Variants in C8orf34 observed in about 807,000 individuals in gnomAD.
C8orf34 encodes chromosome 8 open reading frame 34.
C8orf34 carries 65 observed loss-of-function variants against 68.3 expected under a neutral mutation model. The observed-to-expected ratio is 0.95, with a 90% CI of 0.78 to 1.17. C8orf34 has a LOEUF of 1.17. Ranked by LOEUF, C8orf34 falls within the 50% of genes most tolerant of loss-of-function variation. The pLI is 0.00. For missense variants in C8orf34, 664 were observed against 655.4 expected (o/e 1.01, Z -0.14); for synonymous variants, 244 against 241.2 (o/e 1.01, Z -0.11).
At chr8:68,344,006 T>C (rs563834241) in intron 1 of C8orf34, among the ~76,000 whole-genome samples, 230 of 152,246 alleles carry the variant, frequency 1.5e-3, no homozygotes, top group African/African-American at 5.4e-3. Flanking sequence ...AGATTACAGG[T>C]GTGAGCCAAT....
chr8:68,468,599 T>G, intron 3 of C8orf34, 93 bp from the exon 4 acceptor site: 1 of 1,264,070 alleles, frequency 7.9e-7, no homozygotes, highest in Non-Finnish European at 1.1e-6. Context: ...ATTCTATACA[T>G]TGATCTTGGT....
intron 1 of C8orf34, among the ~76,000 whole-genome samples, chr8:68,426,901 A>C (rs938587793): frequency 3.9e-5 from 6 of 152,012 alleles, no homozygotes; most frequent in Non-Finnish European, 8.8e-5. Context: ...AACCAAACCA[A>C]ACAAAATCCT....
chr8:68,727,627 TC>T (rs991533343), intron 10 of C8orf34, among the ~76,000 whole-genome samples: 1 of 152,270 alleles, frequency 6.6e-6, no homozygotes, highest in African/African-American at 2.4e-5. Context: ...TCCAGGCGTT[TC>T]CATATATCTT....
chr8:68,670,212 A>C (rs1819965146), intron 8 of C8orf34, among the ~76,000 whole-genome samples: 1 of 152,208 alleles, frequency 6.6e-6, no homozygotes, highest in South Asian at 2.1e-4. Flanking sequence ...AACTAAAACA[A>C]GAAGGCCTCA....
chr8:68,624,615 GTGT>G (rs1818482069), intron 7 of C8orf34, among the ~76,000 whole-genome samples: 3 of 152,156 alleles, frequency 2.0e-5, no homozygotes, highest in African/African-American at 7.2e-5. Context: ...GTATATCATG[GTGT>G]TGTGATCATT....
At chr8:68,771,410 G>A (rs1823331027) in intron 10 of C8orf34, among the ~76,000 whole-genome samples, 1 of 152,146 alleles carries the variant, frequency 6.6e-6, no homozygotes, top group South Asian at 2.1e-4. Context: ...ATTAGCAGCT[G>A]CATTACAGGA....
At chr8:68,739,678 T>C (rs1822224917) in intron 10 of C8orf34, among the ~76,000 whole-genome samples, 1 of 152,090 alleles carries the variant, frequency 6.6e-6, no homozygotes, top group East Asian at 1.9e-4. Context: ...AAGCAATTTG[T>C]AGATTCAATG....
intron 12 of C8orf34, among the ~76,000 whole-genome samples, chr8:68,804,327 T>C (rs1183405301): frequency 1.3e-5 from 2 of 152,198 alleles, no homozygotes; most frequent in African/African-American, 4.8e-5. Context: ...CGGAGCATCT[T>C]GGCTAGAGAT....
Position 68,797,074 on chromosome 8 carries a change from A to G in C8orf34, c.1549+9538A>G, listed in dbSNP as rs1485484160. On this transcript the variant is annotated intron_variant, in intron 12 of 13. Transcript: ENST00000518698. ...ACTCCTGATCTTAGGTGATCCACCC[A>G]CCTTGGCCTCCCAAAGTGCTGGGAT... Among the ~76,000 whole-genome samples the G allele has an allele frequency of 2.0e-5, 3 of 152,208 alleles. No individual in the cohort carries two copies. The East Asian group carries it at 5.8e-4, about 30-fold the overall frequency.
chr8:68,660,520 T>C (rs1479417132), intron 8 of C8orf34, among the ~76,000 whole-genome samples: 2 of 152,174 alleles, frequency 1.3e-5, no homozygotes, highest in South Asian at 2.1e-4. Flanking sequence ...TTAGACCTTG[T>C]CTATGCCATG....
chr8:68,392,379 G>T (rs539444889), intron 1 of C8orf34, among the ~76,000 whole-genome samples: 9 of 151,776 alleles, frequency 5.9e-5, no homozygotes, highest in Non-Finnish European at 1.3e-4. Flanking sequence ...GAGCATAGAG[G>T]ATTTCTATTT....
chr8:68,548,025 A>G (rs1815943562), intron 7 of C8orf34, among the ~76,000 whole-genome samples: 1 of 151,776 alleles, frequency 6.6e-6, no homozygotes, highest in African/African-American at 2.4e-5. Context: ...TTGACCCTCT[A>G]CGCCACAACA....
At chr8:68,802,534 T>C (rs1195952246) in intron 12 of C8orf34, among the ~76,000 whole-genome samples, 1 of 152,180 alleles carries the variant, frequency 6.6e-6, no homozygotes, top group African/African-American at 2.4e-5. Context: ...AAGTTCTGTC[T>C]CTTGCTGAGG....
chr8:68,658,328 T>C (rs62520964), intron 8 of C8orf34, among the ~76,000 whole-genome samples: 42,322 of 151,788 alleles, frequency 0.28, 6,381 homozygotes, highest in East Asian at 0.56. Flanking sequence ...AGCTATCCAT[T>C]ACTGTTCCAT....
In C8orf34 at chr8:68,679,760, C is replaced by G. The variant is rs144667163; in HGVS notation, c.1242-29234C>G. 5.1e-4 allele frequency among the ~76,000 whole-genome samples: 78 copies of G among 152,188 alleles called. No individual in the cohort carries two copies. The East Asian group carries it at 0.014, about 28-fold the overall frequency. The stretch of plus-strand genomic sequence containing the variant: ...TAGACCAATGGAGCAGAATAGAGAA[C>G]CCAGAAAGAAATTCATACATTTAAA... On this transcript the variant is annotated intron_variant, in intron 8 of 13. Transcript: ENST00000518698.
intron 1 of C8orf34, among the ~76,000 whole-genome samples, chr8:68,362,994 G>GA (rs1364647554): frequency 1.7e-4 from 11 of 63,438 alleles, no homozygotes; most frequent in East Asian, 4.4e-4. Context: ...TGAAAACTTT[G>GA]AAAAAAATTT....
chr8:68,625,926 T>C (rs1818526471), intron 7 of C8orf34, among the ~76,000 whole-genome samples: 1 of 152,242 alleles, frequency 6.6e-6, no homozygotes, highest in South Asian at 2.1e-4. Context: ...TTGACAAATG[T>C]GACTGGTGTA....
At chr8:68,494,471 A>G (rs1343944297) in intron 5 of C8orf34, among the ~76,000 whole-genome samples, 1 of 152,218 alleles carries the variant, frequency 6.6e-6, no homozygotes, top group Admixed American at 6.5e-5. Flanking sequence ...TGGCTGCACA[A>G]CAACATAAAT....
chr8:68,515,534 T>C (rs558546490), intron 5 of C8orf34, among the ~76,000 whole-genome samples: 43 of 152,276 alleles, frequency 2.8e-4, no homozygotes, highest in African/African-American at 1.0e-3. Flanking sequence ...TTGCACTCCA[T>C]TTATAATTGA....
Sources: allele counts gnomAD v4.1 joint callset (sites outside exome capture counted in the v4.1 genomes callset), GRCh38; gene constraint gnomAD v4.1.1; transcripts MANE v1.5; gene names NCBI Gene and HGNC (gene_info 2026-07-23, HGNC 2026-07-21).